The following AFG1L variants were observed in gnomAD, a reference collection of about 807,000 sequenced individuals.
AFG1L encodes the protein AFG1-like ATPase.
AFG1L carries 53 observed loss-of-function variants against 62.2 expected under a neutral mutation model. The ratio of observed to expected loss-of-function variants is 0.85; its 90% CI spans 0.68 to 1.07. The LOEUF is 1.07. Among genes scored for constraint, AFG1L ranks in the 50% least tolerant of loss-of-function variants. The pLI is 0.00. For missense variants in AFG1L, 555 were observed against 590.5 expected (o/e 0.94, Z 0.62); for synonymous variants, 228 against 210.3 (o/e 1.08, Z -0.73).
intron 1 of AFG1L, among the ~76,000 whole-genome samples, chr6:108,297,876 A>AAAAAAG (rs1776830268): frequency 6.6e-6 from 1 of 150,380 alleles, no homozygotes; most frequent in Non-Finnish European, 1.5e-5. Flanking sequence ...AAAAAAAAAA[A>AAAAAAG]AAAGGAAAAG....
chr6:108,398,733 A>T (rs939251634), intron 6 of AFG1L, among the ~76,000 whole-genome samples: 1 of 151,934 alleles, frequency 6.6e-6, no homozygotes, highest in Non-Finnish European at 1.5e-5. Context: ...TATTCTTGGC[A>T]CCTTTGTCAA....
chr6:108,403,148 G>A (rs1348309182), intron 7 of AFG1L, among the ~76,000 whole-genome samples: 1 of 151,998 alleles, frequency 6.6e-6, no homozygotes, highest in African/African-American at 2.4e-5. Flanking sequence ...TTATAATCTA[G>A]TTGAGGATGT....
At chr6:108,478,819 G>T (rs1773225968) in intron 10 of AFG1L, among the ~76,000 whole-genome samples, 1 of 152,102 alleles carries the variant, frequency 6.6e-6, no homozygotes, top group African/African-American at 2.4e-5. Context: ...TTAAAAATAT[G>T]CTCATTGTTT....
intron 7 of AFG1L, among the ~76,000 whole-genome samples, chr6:108,427,882 T>C (rs1193591571): frequency 6.6e-6 from 1 of 152,220 alleles, no homozygotes; most frequent in South Asian, 2.1e-4. Flanking sequence ...TTTTGTCATA[T>C]TGCTCTTTAC....
chr6:108,343,726 A>C (rs7742646), intron 2 of AFG1L, among the ~76,000 whole-genome samples: 147,858 of 152,220 alleles, frequency 0.97, 71,872 homozygotes, highest in Non-Finnish European at 0.99. Flanking sequence ...AAACAAAAAA[A>C]CAAGAAAAAT....
intron 7 of AFG1L, among the ~76,000 whole-genome samples, chr6:108,435,039 G>A (rs573937130): frequency 7.9e-5 from 12 of 152,236 alleles, no homozygotes; most frequent in South Asian, 2.1e-4. Flanking sequence ...CTTGCTAGAC[G>A]GATGTTCTGA....
chr6:108,473,477 C>A (rs1772983102), intron 8 of AFG1L, among the ~76,000 whole-genome samples: 1 of 152,196 alleles, frequency 6.6e-6, no homozygotes, highest in South Asian at 2.1e-4. Flanking sequence ...GATTAACTTT[C>A]TAAATGACAG....
intron 7 of AFG1L, among the ~76,000 whole-genome samples, chr6:108,431,009 A>G (rs539455664): frequency 3.3e-5 from 5 of 152,376 alleles, no homozygotes; most frequent in African/African-American, 1.2e-4. Context: ...AATGCAAACT[A>G]GTACCTTAGA....
chr6:108,334,029 A>T (rs1349825720), intron 2 of AFG1L, among the ~76,000 whole-genome samples: 1 of 152,096 alleles, frequency 6.6e-6, no homozygotes, highest in Admixed American at 6.5e-5. Flanking sequence ...TGTTTTTGAG[A>T]CAGAGTCTTG....
chr6:108,323,205 AAGG>A (rs1777883307), intron 1 of AFG1L, among the ~76,000 whole-genome samples: 1 of 152,148 alleles, frequency 6.6e-6, no homozygotes, highest in Non-Finnish European at 1.5e-5. Flanking sequence ...TTGCTTTGGG[AAGG>A]AGATGAGGAA....
chr6:108,323,953 G>A lies in AFG1L; in HGVS notation c.268G>A (p.Asp90Asn). ...DFLIKAHELK[D>N]DEHQRRVIQC... ...TCTGATCAAAGCTCATGAGCTAAAGGATGATGAACATCAAAGAAGAGTCAT... is the reference window on the plus strand; with the variant it reads ...TCTGATCAAAGCTCATGAGCTAAAGAATGATGAACATCAAAGAAGAGTCAT... Residue 90 changes from aspartate (D) to asparagine (N), a missense_variant, in exon 2 of 13, where the codon GAT becomes AAT. Coordinates refer to ENST00000368977, the MANE Select transcript of AFG1L (RefSeq NM_145315.5). The A allele has an allele frequency of 1.9e-6, 3 of 1,614,138 alleles. No individual in the cohort carries two copies. Among genetic ancestry groups the A allele is most frequent in the Non-Finnish European group, 2.5e-6 (3 of 1,179,986 alleles).
intron 1 of AFG1L, among the ~76,000 whole-genome samples, chr6:108,311,923 G>C (rs1777428024): frequency 6.6e-6 from 1 of 151,810 alleles, no homozygotes; most frequent in Admixed American, 6.6e-5. Flanking sequence ...TGAGTAAAGT[G>C]GTACGATCTC....
chr6:108,320,822 TAGAG>T (rs1018161481), intron 1 of AFG1L, among the ~76,000 whole-genome samples: 1 of 151,970 alleles, frequency 6.6e-6, no homozygotes. Flanking sequence ...GGGAATGAAT[TAGAG>T]AGTATTTCGC....
intron 8 of AFG1L, among the ~76,000 whole-genome samples, chr6:108,464,791 A>AC (rs957876745): frequency 2.6e-4 from 39 of 151,932 alleles, no homozygotes; most frequent in African/African-American, 8.2e-4. Context: ...AAACAAACAA[A>AC]AAAAACACTT....
At chr6:108,374,476 C>T (rs561904344) in intron 6 of AFG1L, among the ~76,000 whole-genome samples, 7 of 152,188 alleles carry the variant, frequency 4.6e-5, no homozygotes, top group South Asian at 4.1e-4. Context: ...TGAAGTCTTA[C>T]GTTTAAATCT....
At chr6:108,390,211 G>A (rs567126211) in intron 6 of AFG1L, among the ~76,000 whole-genome samples, 4 of 151,936 alleles carry the variant, frequency 2.6e-5, no homozygotes, top group East Asian at 1.9e-4. Context: ...CATGATTTTC[G>A]GCTCCATCAG....
At chr6:108,506,852 T>C (rs1346133224) in intron 10 of AFG1L, among the ~76,000 whole-genome samples, 2 of 152,250 alleles carry the variant, frequency 1.3e-5, no homozygotes. Flanking sequence ...CCCACAGATA[T>C]GGGGAGCCAA....
At chr6:108,318,318 G>A (rs1275341954) in intron 1 of AFG1L, 4 of 400,054 alleles carry the variant, frequency 1.0e-5, no homozygotes, top group African/African-American at 6.4e-5. Flanking sequence ...GAGCCCAACT[G>A]CAGATCTAAG....
intron 10 of AFG1L, among the ~76,000 whole-genome samples, chr6:108,492,030 T>G (rs1408784289): frequency 6.6e-6 from 1 of 152,220 alleles, no homozygotes; most frequent in Non-Finnish European, 1.5e-5. Context: ...TTACAAGACT[T>G]TAACGTGTTC....
Sources: allele counts gnomAD v4.1 joint callset (sites outside exome capture counted in the v4.1 genomes callset), GRCh38; gene constraint gnomAD v4.1.1; transcripts MANE v1.5; gene names NCBI Gene and HGNC (gene_info 2026-07-23, HGNC 2026-07-21).